The following WNK3 variants were observed in gnomAD, a reference collection of about 807,000 sequenced individuals.
WNK3 encodes the protein WNK lysine deficient protein kinase 3.
WNK3 carries 18 observed loss-of-function variants against 116.7 expected under a neutral mutation model. That is an observed-to-expected ratio of 0.15 (90% CI 0.11 to 0.23). The LOEUF is 0.23. WNK3 is among the 10% of genes least tolerant of loss of function. The pLI is 1.00. For synonymous variants in WNK3, 404 were observed against 469.4 expected (o/e 0.86, Z 1.80); for missense variants, 993 against 1,323.8 (o/e 0.75, Z 3.88).
At chrX:54,344,604 C>T (rs1557177088) in intron 1 of WNK3, among the ~76,000 whole-genome samples, 1 of 112,855 alleles carries the variant, frequency 8.9e-6, no homozygotes, top group Non-Finnish European at 1.9e-5. Context: ...AAAACTGAGT[C>T]TTGGTTCTCA....
intron 10 of WNK3, among the ~76,000 whole-genome samples, chrX:54,260,223 T>A (rs2068241157): frequency 8.9e-6 from 1 of 112,248 alleles, no homozygotes; most frequent in Non-Finnish European, 1.9e-5. Flanking sequence ...TACTGAGAAA[T>A]TTTTTCCTGC....
chrX:54,358,343 C>G (rs1458598043), upstream of WNK3, among the ~76,000 whole-genome samples: 3 of 66,078 alleles, frequency 4.5e-5, no homozygotes, highest in Non-Finnish European at 6.7e-5. Flanking sequence ...CTGCTCTACC[C>G]TCTCCCCTCA....
intron 2 of WNK3, among the ~76,000 whole-genome samples, chrX:54,320,199 C>T (rs2069013046): frequency 8.9e-6 from 1 of 111,768 alleles, no homozygotes; most frequent in African/African-American, 3.2e-5. Flanking sequence ...ATATGGAATG[C>T]TAAAAGTGTA....
chrX:54,321,384 C>T (rs930754842), intron 2 of WNK3, among the ~76,000 whole-genome samples: 10 of 111,664 alleles, frequency 9.0e-5, no homozygotes, highest in South Asian at 7.5e-4. Flanking sequence ...GAACCCCGTA[C>T]GCTGAATTCT....
chrX:54,329,853 C>T (rs146271236), intron 2 of WNK3, among the ~76,000 whole-genome samples: 1,266 of 111,514 alleles, frequency 0.011, 8 homozygotes, highest in Middle Eastern at 0.032. Context: ...ACTGATGTCA[C>T]AATGCAGAGA....
intron 10 of WNK3, among the ~76,000 whole-genome samples, chrX:54,285,780 G>T (rs955230834): frequency 6.3e-5 from 7 of 111,874 alleles, no homozygotes; most frequent in Non-Finnish European, 1.1e-4. Context: ...GTAAGCATTT[G>T]TCGAAACTCA....
At chrX:54,305,151 AAAAACAAAAC>A (rs1264257018) in intron 5 of WNK3, among the ~76,000 whole-genome samples, 1 of 110,943 alleles carries the variant, frequency 9.0e-6, no homozygotes, top group Non-Finnish European at 1.9e-5. Context: ...ACTCTGTCTC[AAAAACAAAAC>A]AAAACAAAAC....
At chrX:54,269,514 T>C (rs2068354877) in intron 10 of WNK3, among the ~76,000 whole-genome samples, 1 of 111,681 alleles carries the variant, frequency 9.0e-6, no homozygotes, top group Non-Finnish European at 1.9e-5. Context: ...TCTGGCAATA[T>C]AAGGTATGGC....
chrX:54,340,198 T>G (rs1432529818), intron 1 of WNK3, among the ~76,000 whole-genome samples: 2 of 110,866 alleles, frequency 1.8e-5, no homozygotes, highest in African/African-American at 6.6e-5. Context: ...TCATCAAAAT[T>G]TTAAACTTTT....
intron 8 of WNK3, 133 bp from the exon 9 acceptor site, chrX:54,293,460 TTACAC>T: frequency 2.3e-6 from 1 of 431,185 alleles, no homozygotes; most frequent in South Asian, 6.6e-5. Flanking sequence ...AATAAAATAT[TTACAC>T]TACAACATTA....
chrX:54,206,977 C>T (rs1354722732), intron 22 of WNK3, among the ~76,000 whole-genome samples: 3 of 110,463 alleles, frequency 2.7e-5, no homozygotes, highest in African/African-American at 6.6e-5. Flanking sequence ...TGCAGTGAGC[C>T]AAGATCCTGC....
chrX:54,321,498 G>A (rs949930128), intron 2 of WNK3, among the ~76,000 whole-genome samples: 2 of 111,216 alleles, frequency 1.8e-5, no homozygotes, highest in African/African-American at 6.5e-5. Context: ...TGGAGAGATG[G>A]TGTAGTACCC....
intron 2 of WNK3, among the ~76,000 whole-genome samples, chrX:54,312,101 C>G (rs1386873815): frequency 9.0e-6 from 1 of 110,692 alleles, no homozygotes. Context: ...GGGAGGAGCA[C>G]CTGAGCCCAG....
At chrX:54,207,457 T>C (rs2067565623) in intron 22 of WNK3, among the ~76,000 whole-genome samples, 1 of 110,122 alleles carries the variant, frequency 9.1e-6, no homozygotes, top group Non-Finnish European at 1.9e-5. Context: ...TGAAATTCTA[T>C]CTATTGACAA....
chrX:54,312,101 C>A lies in WNK3; in HGVS notation c.538-810G>T, dbSNP rs1386873815. Among the ~76,000 whole-genome samples, 3 of 110,692 alleles carry A rather than the reference C, an allele frequency of 2.7e-5. No homozygotes were observed. In the Admixed American group the frequency reaches 2.9e-4, roughly 11 times the overall value. On this transcript the variant is annotated intron_variant, in intron 2 of 23. Coordinates refer to ENST00000354646, the Ensembl canonical transcript of WNK3. ...TTGGGAGGCTGAGGTGGGAGGAGCACCTGAGCCCAGTTCGAGACCAGCATG... is the reference window on the plus strand; with the variant it reads ...TTGGGAGGCTGAGGTGGGAGGAGCAACTGAGCCCAGTTCGAGACCAGCATG...
At chrX:54,209,516 A>T (rs1393287970) in intron 22 of WNK3, among the ~76,000 whole-genome samples, 1 of 106,091 alleles carries the variant, frequency 9.4e-6, no homozygotes, top group Non-Finnish European at 1.9e-5. Flanking sequence ...AATTGTGGGC[A>T]GGGAAGGATA....
intron 10 of WNK3, among the ~76,000 whole-genome samples, chrX:54,276,336 AAAAC>A (rs781860091): frequency 2.7e-5 from 3 of 109,252 alleles, no homozygotes; most frequent in Admixed American, 9.8e-5. Flanking sequence ...CTCTGTCTCA[AAAAC>A]AAACAAACAA....
At chrX:54,282,243 C>T (rs1557162649) in intron 10 of WNK3, among the ~76,000 whole-genome samples, 1 of 109,766 alleles carries the variant, frequency 9.1e-6, no homozygotes, top group Non-Finnish European at 1.9e-5. Flanking sequence ...GGAGGTCTCA[C>T]TATGTTGCCC....
intron 11 of WNK3, among the ~76,000 whole-genome samples, chrX:54,258,660 C>T (rs1030112401): frequency 1.8e-5 from 2 of 109,771 alleles, no homozygotes; most frequent in African/African-American, 6.6e-5. Context: ...GAGCAGCTAT[C>T]ATCAAAATGC....
Sources: gnomAD v4.1 joint callset for allele counts (sites outside exome capture counted in the v4.1 genomes callset) on GRCh38, gnomAD v4.1.1 for gene constraint, MANE v1.5 for transcripts, NCBI Gene and HGNC (gene_info 2026-07-23, HGNC 2026-07-21) for gene names.